RNF187: variants seen among roughly 807,000 people sequenced by gnomAD.
RNF187 encodes the protein E3 ubiquitin-protein ligase RNF187.
Under a neutral mutation model 22.2 loss-of-function variants are expected in RNF187, and 18 were observed. The observed-to-expected ratio is 0.81, with a 90% CI of 0.56 to 1.20. The LOEUF (loss-of-function observed/expected upper bound fraction) is 1.20. Among genes scored for constraint, RNF187 ranks in the 50% most tolerant of loss-of-function variants. The pLI, the probability that RNF187 is intolerant of heterozygous loss-of-function variation, is 0.00. For synonymous variants in RNF187, 164 were observed against 140.9 expected (o/e 1.16, Z -1.16); for missense variants, 329 against 317.6 (o/e 1.04, Z -0.27).
At position 228,487,714 on chromosome 1, in the gene RNF187, G is replaced by C; in HGVS notation, c.226G>C (p.Glu76Gln). The change falls in exon 1 of 4, where the codon GAG becomes CAG. Residue 76 changes from glutamate (E) to glutamine (Q), a missense_variant. Physicochemically the swap from Glu to Gln is conservative, Grantham distance 29. Transcript: ENST00000305943. ...GCTCAGCCGCCGCCTTCTGGCGCTC[G>C]AGGAGGCGGCCGCGGCGCCCGCGCG... is the stretch of plus-strand genomic sequence containing the variant. 1 of 1,045,574 alleles carries C rather than the reference G, an allele frequency of 9.6e-7. No individual in the cohort carries two copies. The highest frequency in any genetic ancestry group is 1.1e-6 in the Non-Finnish European group (1 of 870,858). The allele number at this position is 1,045,574 out of a possible 1,614,324, so 64.8% of individuals were successfully genotyped here.
At position 228,495,136 on chromosome 1, in the gene RNF187, G is replaced by T; in HGVS notation, c.*1251G>T. On this transcript the variant is annotated 3_prime_UTR_variant, in exon 4 of 4. Coordinates refer to ENST00000305943, the MANE Select transcript of RNF187 (RefSeq NM_001010858.3). Reference sequence around the variant, plus strand: ...GGACCCTTTCCTTGGGGCCTGGGGGGAGATGGGGCTCCACCCCGACGTAGC... The same window carrying T: ...GGACCCTTTCCTTGGGGCCTGGGGGTAGATGGGGCTCCACCCCGACGTAGC... 5 of 691,612 alleles carry T rather than the reference G, an allele frequency of 7.2e-6. No homozygotes were observed. Among genetic ancestry groups the T allele is most frequent in the Non-Finnish European group, 8.9e-6 (5 of 561,642 alleles). The allele number at this position is 691,612 out of a possible 1,614,324, so 42.8% of individuals were successfully genotyped here.
At chr1:228,487,926 C>G in intron 1 of RNF187, 48 bp downstream of exon 1, 11 of 1,102,982 alleles carry the variant, frequency 1.0e-5, no homozygotes, top group African/African-American at 3.3e-5. Context: ...TGCCCTGCGC[C>G]TCTCCGCCCC....
At chr1:228,491,401 A>AAAT in intron 2 of RNF187, among the ~76,000 whole-genome samples, 62 of 148,280 alleles carry the variant, frequency 4.2e-4, no homozygotes, top group South Asian at 6.3e-4. Context: ...AAAAAAAAAA[A>AAAT]AAAAAAAATA....
Position 228,495,373 on chromosome 1 carries a change from T to C in RNF187, c.*1488T>C. 4.8e-5 allele frequency: 32 copies of C among 671,594 alleles called. No homozygotes were observed. Among genetic ancestry groups the C allele is most frequent in the Non-Finnish European group, 5.7e-5 (31 of 543,676 alleles). The allele number at this position is 671,594 out of a possible 1,614,324, so 41.6% of individuals were successfully genotyped here. On this transcript the variant is annotated 3_prime_UTR_variant, in exon 4 of 4. Coordinates refer to ENST00000305943, the MANE Select transcript of RNF187 (RefSeq NM_001010858.3). ...GGTCAGATATTATGGTTAACCAAAT[T>C]AGGGTTCTTGCTAAAACTGGATTTC...
At chr1:228,492,941 A>G in intron 2 of RNF187, 112 bp from the exon 3 acceptor site, 1 of 1,167,880 alleles carries the variant, frequency 8.6e-7, no homozygotes, top group East Asian at 2.6e-5. Flanking sequence ...GATGTGCCTG[A>G]GCAGCATGTT....
At position 228,495,763 on chromosome 1, in the gene RNF187, A is replaced by G; in HGVS notation, c.*1878A>G. On this transcript the variant is annotated 3_prime_UTR_variant, in exon 4 of 4. Coordinates refer to ENST00000305943, the MANE Select transcript of RNF187 (RefSeq NM_001010858.3). The stretch of plus-strand genomic sequence containing the variant: ...AGAAAATTATATATTTATGGGGCAC[A>G]GTGTGATGTTTTGATATCTATGTAC... The G allele has an allele frequency of 3.1e-6, 3 of 981,818 alleles. No individual in the cohort carries two copies. The African/African-American group carries it at 5.2e-5, about 17-fold the overall frequency. The allele number at this position is 981,818 out of a possible 1,614,324, so 60.8% of individuals were successfully genotyped here.
At position 228,495,494 on chromosome 1, in the gene RNF187, C is replaced by T; in HGVS notation, c.*1609C>T. 23 of 985,332 alleles carry T rather than the reference C, an allele frequency of 2.3e-5. No individual in the cohort carries two copies. The highest frequency in any genetic ancestry group is 2.8e-5 in the Non-Finnish European group (23 of 829,976). 61.0% of individuals were successfully genotyped at this position (985,332 alleles called of 1,614,324 possible). A position where few individuals can be genotyped will look rare whatever the true frequency, so the allele number is the denominator to read the frequency against. On this transcript the variant is annotated 3_prime_UTR_variant, in exon 4 of 4. Coordinates refer to ENST00000305943, the MANE Select transcript of RNF187 (RefSeq NM_001010858.3). ...CTTTGTCAGCACGCCAACAACATCC[C>T]GACCCTGAGACCTCCAGTTTGTCTT...
chr1:228,492,985 A>G, intron 2 of RNF187, 68 bp from the exon 3 acceptor site: 1 of 1,466,800 alleles, frequency 6.8e-7, no homozygotes, highest in Admixed American at 2.4e-5. Flanking sequence ...CTTCAAGAGC[A>G]AACAGGTTCC....
chr1:228,494,929 G>A lies in RNF187; in HGVS notation c.*1044G>A. The A allele has an allele frequency of 1.1e-5, 11 of 985,378 alleles. No homozygotes were observed. Among genetic ancestry groups the A allele is most frequent in the African/African-American group, 7.0e-5 (4 of 57,238 alleles). 61.0% of individuals were successfully genotyped at this position (985,378 alleles called of 1,614,324 possible). On this transcript the variant is annotated 3_prime_UTR_variant, in exon 4 of 4. Transcript: ENST00000305943. ...TGTCTGTGAGTTTGACCTGCCCAGCGTGTGGGCTGGCTCAATGCTGAATAA... is the reference window on the plus strand; with the variant it reads ...TGTCTGTGAGTTTGACCTGCCCAGCATGTGGGCTGGCTCAATGCTGAATAA...
At position 228,495,086 on chromosome 1, in the gene RNF187, G is replaced by C; in HGVS notation, c.*1201G>C. Reference sequence around the variant, plus strand: ...GCTAAAGCATGGTGAGGAGGACTTTGATTGGGACCATTGAGATGGGTGTGG... The same window carrying C: ...GCTAAAGCATGGTGAGGAGGACTTTCATTGGGACCATTGAGATGGGTGTGG... On this transcript the variant is annotated 3_prime_UTR_variant, in exon 4 of 4. Coordinates refer to ENST00000305943, the MANE Select transcript of RNF187 (RefSeq NM_001010858.3). 1.1e-5 allele frequency: 11 copies of C among 956,666 alleles called. No individual in the cohort carries two copies. The highest frequency in any genetic ancestry group is 1.4e-5 in the Non-Finnish European group (11 of 803,660). 59.3% of individuals were successfully genotyped at this position (956,666 alleles called of 1,614,324 possible). A position where few individuals can be genotyped will look rare whatever the true frequency, so the allele number is the denominator to read the frequency against.
At chr1:228,489,999 C>T in intron 2 of RNF187, among the ~76,000 whole-genome samples, 7 of 152,338 alleles carry the variant, frequency 4.6e-5, no homozygotes, top group African/African-American at 1.7e-4. Flanking sequence ...TTAGGTTACT[C>T]ACCAGTAAAG....
At position 228,494,566 on chromosome 1, in the gene RNF187, G is replaced by T; in HGVS notation, c.*681G>T. 2 of 985,756 alleles carry T rather than the reference G, an allele frequency of 2.0e-6. No homozygotes were observed. The highest frequency in any genetic ancestry group is 2.4e-6 in the Non-Finnish European group (2 of 830,242). The allele number at this position is 985,756 out of a possible 1,614,324, so 61.1% of individuals were successfully genotyped here. A position where few individuals can be genotyped will look rare whatever the true frequency, so the allele number is the denominator to read the frequency against. On this transcript the variant is annotated 3_prime_UTR_variant, in exon 4 of 4. Coordinates refer to ENST00000305943, the MANE Select transcript of RNF187 (RefSeq NM_001010858.3). The stretch of plus-strand genomic sequence containing the variant: ...TCCGCAGAAGGAAGCCTCTTTCTCT[G>T]TTTCCCTGGGTGAGGGGGCTGGCAG...
chr1:228,489,305 T>A, intron 2 of RNF187, among the ~76,000 whole-genome samples: 1 of 152,172 alleles, frequency 6.6e-6, no homozygotes, highest in Non-Finnish European at 1.5e-5. Context: ...GATGGCAGCA[T>A]CAGACTTCTT....
At chr1:228,492,436 T>C in intron 2 of RNF187, among the ~76,000 whole-genome samples, 128,641 of 149,450 alleles carry the variant, frequency 0.86, 55,655 homozygotes, top group East Asian at 1. Flanking sequence ...ATTCTCCTGC[T>C]TCAGCCTCCC....
chr1:228,494,123 C>A lies in RNF187; in HGVS notation c.*238C>A. 7.0e-7 allele frequency: 1 copy of A among 1,437,920 alleles called. No homozygotes were observed. Among genetic ancestry groups the A allele is most frequent in the African/African-American group, 1.4e-5 (1 of 69,978 alleles). The allele number at this position is 1,437,920 out of a possible 1,614,324, so 89.1% of individuals were successfully genotyped here. Reference sequence around the variant, plus strand: ...AGGACCCTTCCCACCTGTGCCCGTCCCTTCCTGAAGTCCTAGCCACAGCCC... The same window carrying A: ...AGGACCCTTCCCACCTGTGCCCGTCACTTCCTGAAGTCCTAGCCACAGCCC... On this transcript the variant is annotated 3_prime_UTR_variant, in exon 4 of 4. Coordinates refer to ENST00000305943, the MANE Select transcript of RNF187 (RefSeq NM_001010858.3).
chr1:228,491,071 C>T, intron 2 of RNF187, among the ~76,000 whole-genome samples: 2 of 151,880 alleles, frequency 1.3e-5, no homozygotes, highest in Non-Finnish European at 2.9e-5. Context: ...CCAGGCTGGG[C>T]GGGAGAATTA....
Position 228,487,675 on chromosome 1 carries a change from C to A in RNF187, c.187C>A (p.Pro63Thr). The change falls in exon 1 of 4, where the codon CCC becomes ACC. Residue 63 changes from proline to threonine, a missense_variant. Pro to Thr is a conservative substitution (Grantham distance 38). Transcript: ENST00000305943. ...CGACTGCTGGCAGCGCGCCGTGGAG[C>A]CCGGCAGGCCCCCGCTCAGCCGCCG... is the stretch of plus-strand genomic sequence containing the variant. 9.1e-7 allele frequency: 1 copy of A among 1,101,972 alleles called. No individual in the cohort carries two copies. Among genetic ancestry groups the A allele is most frequent in the Non-Finnish European group, 1.1e-6 (1 of 903,678 alleles). 68.3% of individuals were successfully genotyped at this position (1,101,972 alleles called of 1,614,324 possible).
chr1:228,487,934 C>A, intron 1 of RNF187, 56 bp downstream of exon 1: 1 of 1,062,070 alleles, frequency 9.4e-7, no homozygotes, highest in Non-Finnish European at 1.2e-6. Context: ...GCCTCTCCGC[C>A]CCCGCCCCGG....
rs1006476921 is a variant in RNF187 at position 228,487,495 on chromosome 1, C to T, written c.7C>T (p.Leu3Phe). 296 of 1,129,980 alleles carry T rather than the reference C, an allele frequency of 2.6e-4. 1 individual carries two copies. In the Middle Eastern group the frequency reaches 6.8e-3, roughly 26 times the overall value. The allele number at this position is 1,129,980 out of a possible 1,614,324, so 70.0% of individuals were successfully genotyped here. A position where few individuals can be genotyped will look rare whatever the true frequency, so the allele number is the denominator to read the frequency against. Residue 3 changes from leucine (L) to phenylalanine (F), a missense_variant, in exon 1 of 4, where the codon CTC (leucine) becomes TTC (phenylalanine). By Grantham distance (22) the Leu-to-Phe change is conservative. Coordinates refer to ENST00000305943, the MANE Select transcript of RNF187 (RefSeq NM_001010858.3). ...GGCCCCGCCGCCCGCAGCCCTGGCG[C>T]TCCCTGCGGGCCCCGCCGAGGCCGC...
Sources: allele counts gnomAD v4.1 joint callset (sites outside exome capture counted in the v4.1 genomes callset), GRCh38; gene constraint gnomAD v4.1.1; transcripts MANE v1.5; gene names NCBI Gene and HGNC (gene_info 2026-07-23, HGNC 2026-07-21).